PTPRN2: variants seen among roughly 807,000 people sequenced by gnomAD.
PTPRN2 encodes the protein protein tyrosine phosphatase receptor type N2, also known as receptor-type tyrosine-protein phosphatase N2.
A neutral mutation model predicts 118.8 loss-of-function variants in PTPRN2; 74 were observed. That is an observed-to-expected ratio of 0.62 (90% CI 0.52 to 0.76). The LOEUF is 0.76. Among genes scored for constraint, PTPRN2 ranks in the 30% least tolerant of loss-of-function variants. The probability of loss-of-function intolerance (pLI) is 0.00; values close to 1 mark genes in which losing one functional copy is unlikely to be tolerated. For synonymous variants in PTPRN2, 641 were observed against 608.0 expected, an observed-to-expected ratio of 1.05 and a Z score of -0.80; for missense variants, 1,481 against 1,394.4, an observed-to-expected ratio of 1.06 and a Z score of -0.99.
Position 157,995,917 on chromosome 7 carries a change from G to A in PTPRN2, c.1723+85381C>T, listed in dbSNP as rs550760921. On this transcript the variant is annotated intron_variant, in intron 11 of 22. Coordinates refer to ENST00000389418, the MANE Select transcript of PTPRN2 (RefSeq NM_002847.5). ...TGAATGGATAAAGAAAACGTGGTGT[G>A]TCCACACAATGGAATACTACTCAGC... is the stretch of plus-strand genomic sequence containing the variant. Among the ~76,000 whole-genome samples the A allele has an allele frequency of 3.3e-5, 5 of 152,340 alleles. No homozygotes were observed. The East Asian group carries it at 7.7e-4, about 24-fold the overall frequency.
At chr7:157,727,880 T>C (rs2150932174) in intron 12 of PTPRN2, among the ~76,000 whole-genome samples, 1 of 152,284 alleles carries the variant, frequency 6.6e-6, no homozygotes, top group South Asian at 2.1e-4. Context: ...CTGTGGGGCC[T>C]GCACTGCTGC....
chr7:158,379,243 G>A (rs183101072), intron 2 of PTPRN2, among the ~76,000 whole-genome samples: 1 of 152,216 alleles, frequency 6.6e-6, no homozygotes, highest in Non-Finnish European at 1.5e-5. Flanking sequence ...GCGGACCCCA[G>A]GGTGGGGGTG....
chr7:158,467,317 C>T (rs1468872786), intron 2 of PTPRN2, among the ~76,000 whole-genome samples: 2 of 151,866 alleles, frequency 1.3e-5, no homozygotes, highest in African/African-American at 2.4e-5. Context: ...GTTTGTTTTG[C>T]TATTGAGTTG....
At position 157,875,954 on chromosome 7, in the gene PTPRN2, C is replaced by A. The variant is rs552696141; in HGVS notation, c.1788+22719G>T. Among the ~76,000 whole-genome samples, 7 of 151,718 alleles carry A rather than the reference C, an allele frequency of 4.6e-5. No homozygotes were observed. The East Asian group carries it at 1.2e-3, about 25-fold the overall frequency. ...AGAGGGTCAGGAGGGGCCGAGCCCC[C>A]AGGCCAGGCATCCCCAGGGCAGGCA... On this transcript the variant is annotated intron_variant, in intron 12 of 22. Coordinates refer to ENST00000389418, the MANE Select transcript of PTPRN2 (RefSeq NM_002847.5).
intron 12 of PTPRN2, among the ~76,000 whole-genome samples, chr7:157,883,330 C>T (rs184057485): frequency 6.6e-6 from 1 of 151,498 alleles, no homozygotes; most frequent in African/African-American, 2.4e-5. Context: ...AACACACCAC[C>T]CCAAAATGAC....
At chr7:158,068,673 C>T (rs554982534) in intron 11 of PTPRN2, among the ~76,000 whole-genome samples, 115 of 152,326 alleles carry the variant, frequency 7.5e-4, no homozygotes, top group African/African-American at 2.5e-3. Context: ...TCTCTCTAAG[C>T]AGGAAGCACC....
At chr7:158,422,703 C>T (rs188405200) in intron 2 of PTPRN2, among the ~76,000 whole-genome samples, 2 of 146,892 alleles carry the variant, frequency 1.4e-5, no homozygotes, top group African/African-American at 5.4e-5. Context: ...GGCCACCATT[C>T]GGATGTGGTC....
At chr7:157,811,332 T>TTATATA (rs71189737) in intron 12 of PTPRN2, among the ~76,000 whole-genome samples, 2,856 of 131,138 alleles carry the variant, frequency 0.022, 59 homozygotes, top group African/African-American at 0.045. Context: ...ATCTACTCTA[T>TTATATA]TATATATATA....
intron 5 of PTPRN2, among the ~76,000 whole-genome samples, chr7:158,185,738 C>G (rs1004007424): frequency 6.6e-6 from 1 of 152,182 alleles, no homozygotes; most frequent in South Asian, 2.1e-4. Context: ...TTCGCCCAGG[C>G]TTGGATCTGG....
At chr7:158,152,191 A>AAAAAAC (rs1554561530) in intron 6 of PTPRN2, among the ~76,000 whole-genome samples, 1 of 145,154 alleles carries the variant, frequency 6.9e-6, no homozygotes, top group Non-Finnish European at 1.5e-5. Context: ...AAAAAAAAAA[A>AAAAAAC]CCATGAATGC....
chr7:157,983,839 A>G (rs1368123916), intron 11 of PTPRN2, among the ~76,000 whole-genome samples: 1 of 152,202 alleles, frequency 6.6e-6, no homozygotes, highest in Non-Finnish European at 1.5e-5. Flanking sequence ...TCAGCTCAAA[A>G]GCTGTGGGTC....
intron 11 of PTPRN2, among the ~76,000 whole-genome samples, chr7:157,988,721 A>G (rs1804013785): frequency 6.6e-6 from 1 of 152,184 alleles, no homozygotes; most frequent in Non-Finnish European, 1.5e-5. Context: ...ATGCACGTCC[A>G]CACTTTCTAA....
intron 12 of PTPRN2, among the ~76,000 whole-genome samples, chr7:157,694,299 G>A (rs1666776666): frequency 6.6e-6 from 1 of 152,174 alleles, no homozygotes; most frequent in African/African-American, 2.4e-5. Flanking sequence ...GGTTCCATGC[G>A]GGTTCACCAG....
intron 3 of PTPRN2, among the ~76,000 whole-genome samples, chr7:158,226,350 T>C (rs1248049312): frequency 6.6e-6 from 1 of 152,174 alleles, no homozygotes; most frequent in Non-Finnish European, 1.5e-5. Flanking sequence ...CAAGGTTAAC[T>C]GCAAGAGAGG....
intron 12 of PTPRN2, among the ~76,000 whole-genome samples, chr7:157,754,641 C>T (rs1437304918): frequency 6.6e-6 from 1 of 152,142 alleles, no homozygotes; most frequent in African/African-American, 2.4e-5. Flanking sequence ...GGTGCCCAGT[C>T]TGGGGGGGCC....
At position 157,819,118 on chromosome 7, in the gene PTPRN2, G is replaced by A. The variant is rs1316341536; in HGVS notation, c.1788+79555C>T. On this transcript the variant is annotated intron_variant, in intron 12 of 22. Coordinates refer to ENST00000389418, the MANE Select transcript of PTPRN2 (RefSeq NM_002847.5). The stretch of plus-strand genomic sequence containing the variant: ...CCCCAGCCCCCCAAACACCTGCTGG[G>A]CCTGGGTCCACAGTGGCCCACCTGC... Among the ~76,000 whole-genome samples the A allele has an allele frequency of 6.8e-4, 104 of 152,296 alleles. 1 individual carries two copies. The highest frequency in any genetic ancestry group is 1.2e-4 in the Non-Finnish European group (8 of 68,030).
chr7:158,467,470 C>CA (rs1356561873), intron 2 of PTPRN2, among the ~76,000 whole-genome samples: 1 of 152,178 alleles, frequency 6.6e-6, no homozygotes, highest in African/African-American at 2.4e-5. Flanking sequence ...TAGTCCCACT[C>CA]ATTTATTTTG....
chr7:157,898,614 G>T (rs930290941), intron 12 of PTPRN2, 59 bp downstream of exon 12: 1 of 1,484,456 alleles, frequency 6.7e-7, no homozygotes, highest in Non-Finnish European at 9.4e-7. Flanking sequence ...CACGGTGTTC[G>T]CCAGCACCCA....
intron 4 of PTPRN2, among the ~76,000 whole-genome samples, chr7:158,199,182 A>C (rs138322569): frequency 6.6e-6 from 1 of 151,532 alleles, no homozygotes; most frequent in East Asian, 1.9e-4. Flanking sequence ...AGTCCTTAGC[A>C]TGTTCTTAGG....
Sources: gnomAD v4.1 joint callset for allele counts (sites outside exome capture counted in the v4.1 genomes callset) on GRCh38, gnomAD v4.1.1 for gene constraint, MANE v1.5 for transcripts, NCBI Gene and HGNC (gene_info 2026-07-23, HGNC 2026-07-21) for gene names.